The following SLC27A1 variants were observed in gnomAD, a reference collection of about 807,000 sequenced individuals.
SLC27A1 encodes solute carrier family 27 member 1.
A neutral mutation model predicts 62.2 loss-of-function variants in SLC27A1; 61 were observed. The observed-to-expected ratio is 0.98, with a 90% CI of 0.80 to 1.21. The LOEUF (loss-of-function observed/expected upper bound fraction) is 1.21. Ranked by LOEUF, SLC27A1 falls within the 50% of genes most tolerant of loss-of-function variation. The pLI, the probability that SLC27A1 is intolerant of heterozygous loss-of-function variation, is 0.00. For synonymous variants in SLC27A1, 435 were observed against 408.6 expected (o/e 1.06, Z -0.78); for missense variants, 903 against 932.1 (o/e 0.97, Z 0.41).
At chr19:17,485,456 A>G (rs113528520) in intron 1 of SLC27A1, among the ~76,000 whole-genome samples, 894 of 151,614 alleles carry the variant, frequency 5.9e-3, no homozygotes, top group Non-Finnish European at 9.3e-3. Flanking sequence ...CCAAAGTGCT[A>G]GGATTACAGG....
chr19:17,469,521 A>C (rs2075052653), upstream of SLC27A1, among the ~76,000 whole-genome samples: 1 of 152,038 alleles, frequency 6.6e-6, no homozygotes, highest in Non-Finnish European at 1.5e-5. Context: ...GTTTCCTAAA[A>C]GGAGAGGGGG....
intron 10 of SLC27A1, 104 bp downstream of exon 10, chr19:17,500,980 C>G: frequency 7.7e-7 from 1 of 1,304,406 alleles, no homozygotes; most frequent in Non-Finnish European, 1.0e-6. Flanking sequence ...ACAACCTGGA[C>G]AACTGCTCAT....
rs138941646 is a variant in SLC27A1 at position 17,489,015 on chromosome 19, C to T, written c.894C>T (p.Ile298=). The change falls in exon 6 of 12, where the codon ATC becomes ATT. Residue 298 remains isoleucine (I), a synonymous_variant. Coordinates refer to ENST00000252595, the MANE Select transcript of SLC27A1 (RefSeq NM_198580.3). The part of the protein sequence containing the change: ...CLPLYHSAGN[I]IGVGQCLIYG... ...CAAGGCCACCCTCTGCAGGAAACATCATCGGCGTGGGGCAGTGTCTCATCT... is the reference window on the plus strand; with the variant it reads ...CAAGGCCACCCTCTGCAGGAAACATTATCGGCGTGGGGCAGTGTCTCATCT... The T allele has an allele frequency of 1.2e-6, 2 of 1,613,998 alleles. No homozygotes were observed. The highest frequency in any genetic ancestry group is 1.7e-6 in the Non-Finnish European group (2 of 1,180,018).
intron 1 of SLC27A1, among the ~76,000 whole-genome samples, chr19:17,477,240 C>CTTTTTTTTTTTTTTTTTTTTTTTTTT (rs1221324202): frequency 9.1e-5 from 4 of 43,808 alleles, no homozygotes; most frequent in Non-Finnish European, 1.6e-4. Flanking sequence ...ATGAGCAGCG[C>CTTTTTTTTTTTTTTTTTTTTTTTTTT]TTTTTTTTTT....
At chr19:17,477,240 C>CTGTTTTTT (rs2075132259) in intron 1 of SLC27A1, among the ~76,000 whole-genome samples, 1 of 43,808 alleles carries the variant, frequency 2.3e-5, no homozygotes, top group South Asian at 1.2e-3. Context: ...ATGAGCAGCG[C>CTGTTTTTT]TTTTTTTTTT....
chr19:17,493,605 G>A (rs1288291013), intron 6 of SLC27A1, among the ~76,000 whole-genome samples: 1 of 151,728 alleles, frequency 6.6e-6, no homozygotes, highest in East Asian at 1.9e-4. Flanking sequence ...CATGGGGGCA[G>A]CAGGCTATAA....
At chr19:17,487,052 G>A in intron 2 of SLC27A1, 95 bp downstream of exon 2, 3 of 1,554,734 alleles carry the variant, frequency 1.9e-6, no homozygotes, top group Middle Eastern at 2.2e-4. Context: ...GAAGGCGGCC[G>A]CCCTGGACGT....
At chr19:17,496,191 C>G (rs2075347696) in intron 6 of SLC27A1, 1 of 152,292 alleles carries the variant, frequency 6.6e-6, no homozygotes, top group East Asian at 1.9e-4. Context: ...TATTCCCACT[C>G]TGGGGCCGGG....
At position 17,489,055 on chromosome 19, in the gene SLC27A1, G is replaced by C. The variant is rs775325702; in HGVS notation, c.934G>C (p.Val312Leu). The C allele has an allele frequency of 3.1e-6, 5 of 1,613,970 alleles. No homozygotes were observed. The highest frequency in any genetic ancestry group is 4.2e-6 in the Non-Finnish European group (5 of 1,180,018). ...GTGTCTCATCTATGGGCTGACAGTC[G>C]TCCTCCGCAAGAAATTCTCGGCCAG... ...GQCLIYGLTV[V>L]LRKKFSASRF... Residue 312 changes from valine to leucine, a missense_variant, in exon 6 of 12, where the codon GTC (valine) becomes CTC (leucine). Val to Leu is a conservative substitution (Grantham distance 32). Coordinates refer to ENST00000252595, the MANE Select transcript of SLC27A1 (RefSeq NM_198580.3).
chr19:17,478,907 T>G (rs2075149667), intron 1 of SLC27A1, among the ~76,000 whole-genome samples: 1 of 151,766 alleles, frequency 6.6e-6, no homozygotes, highest in African/African-American at 2.4e-5. Flanking sequence ...CTTGATGACT[T>G]CAGATGGGAA....
intron 1 of SLC27A1, among the ~76,000 whole-genome samples, chr19:17,476,805 A>G (rs938978872): frequency 3.3e-4 from 49 of 150,596 alleles, no homozygotes; most frequent in Non-Finnish European, 3.5e-4. Flanking sequence ...TGAGGGACCT[A>G]TTTTGGAGGG....
chr19:17,489,650 C>A (rs1303465571), intron 6 of SLC27A1, among the ~76,000 whole-genome samples: 2 of 152,086 alleles, frequency 1.3e-5, no homozygotes, highest in Non-Finnish European at 2.9e-5. Context: ...GGAATTGAGA[C>A]CCTGGGATGG....
At chr19:17,497,219 C>A (rs747153196) in intron 6 of SLC27A1, 36 bp from the exon 7 acceptor site, 1 of 1,551,314 alleles carries the variant, frequency 6.4e-7, no homozygotes, top group South Asian at 1.2e-5. Context: ...CACCGCCTGC[C>A]GGTCCCATCA....
chr19:17,472,542 T>G (rs2075087287), intron 1 of SLC27A1, among the ~76,000 whole-genome samples: 1 of 152,160 alleles, frequency 6.6e-6, no homozygotes, highest in Non-Finnish European at 1.5e-5. Context: ...TGTTTGTTTG[T>G]TTGAGGCAGA....
intron 1 of SLC27A1, among the ~76,000 whole-genome samples, chr19:17,477,523 C>A (rs1323600278): frequency 6.9e-6 from 1 of 145,576 alleles, no homozygotes; most frequent in Non-Finnish European, 1.5e-5. Flanking sequence ...GGATTACAGG[C>A]ATGACCCACC....
chr19:17,496,385 C>T (rs2075349911), intron 6 of SLC27A1: 1 of 136,162 alleles, frequency 7.3e-6, no homozygotes. Flanking sequence ...CCCCAGGAAG[C>T]TCTTGCGGGG....
rs756525992 is a variant in SLC27A1 at position 17,505,645 on chromosome 19, C to T, written c.*1033C>T. 2.0e-5 allele frequency: 3 copies of T among 152,956 alleles called. No individual in the cohort carries two copies. Among genetic ancestry groups the T allele is most frequent in the Non-Finnish European group, 4.4e-5 (3 of 68,612 alleles). The allele number at this position is 152,956 out of a possible 1,614,324, so 9.5% of individuals were successfully genotyped here. On this transcript the variant is annotated 3_prime_UTR_variant, in exon 12 of 12. Coordinates refer to ENST00000252595, the MANE Select transcript of SLC27A1 (RefSeq NM_198580.3). ...CTTGATGTCCCCATTTAGCCATCTC[C>T]ATGGAGCTCCTGCTGGAGGGCCCTG...
intron 1 of SLC27A1, among the ~76,000 whole-genome samples, chr19:17,478,860 G>A (rs1259806024): frequency 2.0e-5 from 3 of 152,092 alleles, no homozygotes; most frequent in Non-Finnish European, 4.4e-5. Flanking sequence ...GCAACTGAGT[G>A]AGACCCTGTC....
Position 17,502,356 on chromosome 19 carries a change from T to G in SLC27A1, c.1783+937T>G, listed in dbSNP as rs544309428. 1.4e-3 allele frequency among the ~76,000 whole-genome samples: 159 copies of G among 114,024 alleles called. 4 individuals are homozygous for G. The South Asian group carries it at 0.035, about 25-fold the overall frequency. The allele number at this position is 114,024 out of a possible 152,430, so 74.8% of individuals were successfully genotyped here. On this transcript the variant is annotated intron_variant, in intron 11 of 11. Transcript: ENST00000252595. ...TAGTGTTTTTTTTGTTTTTTTTTTT[T>G]TTTTTTTTTTTTTGAGATGGAGTCT...
Sources: gnomAD v4.1 joint callset for allele counts (sites outside exome capture counted in the v4.1 genomes callset) on GRCh38, gnomAD v4.1.1 for gene constraint, MANE v1.5 for transcripts, NCBI Gene and HGNC (gene_info 2026-07-23, HGNC 2026-07-21) for gene names.